The following CDH13 variants were observed in gnomAD, a reference collection of about 807,000 sequenced individuals.
CDH13 encodes cadherin 13, also known as cadherin-13.
Under a neutral mutation model 63.8 loss-of-function variants are expected in CDH13, and 24 were observed. The observed-to-expected ratio is 0.38, with a 90% confidence interval of 0.27 to 0.53. The LOEUF (loss-of-function observed/expected upper bound fraction) is 0.53, where lower values mean the gene tolerates loss of function less well. CDH13 is among the 20% of genes least tolerant of loss of function. CDH13 has a pLI of 0.85. For missense variants in CDH13, 1,049 were observed against 903.1 expected, an observed-to-expected ratio of 1.16 and a Z score of -2.07; for synonymous variants, 503 against 355.3, an observed-to-expected ratio of 1.42 and a Z score of -4.67.
intron 7 of CDH13, among the ~76,000 whole-genome samples, chr16:83,519,787 C>T (rs969070806): frequency 7.9e-5 from 12 of 152,228 alleles, no homozygotes; most frequent in African/African-American, 2.9e-4. Context: ...ACAATCCTCC[C>T]AGTGTGAATG....
At chr16:83,354,261 C>T (rs1435747051) in intron 6 of CDH13, among the ~76,000 whole-genome samples, 1 of 152,220 alleles carries the variant, frequency 6.6e-6, no homozygotes, top group Non-Finnish European at 1.5e-5. Flanking sequence ...AATAGCCCAG[C>T]AATTTTTAGC....
At chr16:82,628,313 G>T (rs1017742987) in intron 1 of CDH13, among the ~76,000 whole-genome samples, 1 of 152,154 alleles carries the variant, frequency 6.6e-6, no homozygotes, top group Non-Finnish European at 1.5e-5. Flanking sequence ...GTGCCTCAGG[G>T]TGCTAGGAAT....
chr16:83,146,001 C>T (rs950989058), intron 4 of CDH13, among the ~76,000 whole-genome samples: 2 of 152,026 alleles, frequency 1.3e-5, no homozygotes, highest in Non-Finnish European at 2.9e-5. Flanking sequence ...CGGGACCAAC[C>T]TGGCCAACTT....
chr16:83,159,739 A>T (rs2037365366), intron 4 of CDH13, among the ~76,000 whole-genome samples: 1 of 152,192 alleles, frequency 6.6e-6, no homozygotes, highest in African/African-American at 2.4e-5. Context: ...CCTGTCAAGC[A>T]TATAAAACTG....
intron 2 of CDH13, among the ~76,000 whole-genome samples, chr16:83,014,780 A>G (rs1207493683): frequency 4.2e-5 from 5 of 117,882 alleles, no homozygotes; most frequent in African/African-American, 1.6e-4. Context: ...ATATATGTAT[A>G]TATATATATT....
chr16:83,472,323 A>G (rs1199276150), intron 6 of CDH13, among the ~76,000 whole-genome samples: 3 of 152,182 alleles, frequency 2.0e-5, no homozygotes, highest in Non-Finnish European at 4.4e-5. Flanking sequence ...TTTATGTTAG[A>G]CGGTGCCCTG....
intron 1 of CDH13, among the ~76,000 whole-genome samples, chr16:82,755,709 A>C (rs1004581218): frequency 5.9e-5 from 9 of 152,354 alleles, no homozygotes; most frequent in Middle Eastern, 6.8e-3. Flanking sequence ...AAGGTCTATG[A>C]GCAAAACTGA....
intron 1 of CDH13, among the ~76,000 whole-genome samples, chr16:82,751,172 C>T (rs1298698514): frequency 6.6e-6 from 1 of 152,034 alleles, no homozygotes; most frequent in Non-Finnish European, 1.5e-5. Context: ...CCATGATGGA[C>T]AAGAAAAAGG....
intron 6 of CDH13, among the ~76,000 whole-genome samples, chr16:83,351,883 C>T (rs2090958409): frequency 6.6e-6 from 1 of 152,176 alleles, no homozygotes; most frequent in Non-Finnish European, 1.5e-5. Context: ...CACAAACATA[C>T]TGATGGATAT....
At chr16:83,174,004 C>A (rs149700341) in intron 4 of CDH13, among the ~76,000 whole-genome samples, 2 of 152,148 alleles carry the variant, frequency 1.3e-5, no homozygotes, top group East Asian at 3.9e-4. Flanking sequence ...CAATAACAAT[C>A]CTCCTCCAGT....
intron 7 of CDH13, among the ~76,000 whole-genome samples, chr16:83,540,877 G>A (rs1417906162): frequency 3.9e-5 from 6 of 152,264 alleles, no homozygotes; most frequent in East Asian, 1.9e-4. Context: ...TGATCCGCCC[G>A]CCTCAGCCTC....
chr16:82,800,535 C>T (rs527842538), intron 1 of CDH13, among the ~76,000 whole-genome samples: 35 of 152,288 alleles, frequency 2.3e-4, no homozygotes, highest in African/African-American at 8.4e-4. Context: ...TGACACATTT[C>T]ACAGAAGTGT....
chr16:83,421,997 G>T (rs780072415), intron 6 of CDH13, among the ~76,000 whole-genome samples: 1 of 152,152 alleles, frequency 6.6e-6, no homozygotes, highest in Non-Finnish European at 1.5e-5. Flanking sequence ...ATATGAACAA[G>T]TGTTTAGTTC....
At chr16:83,286,058 C>T (rs748496021) in intron 5 of CDH13, among the ~76,000 whole-genome samples, 30 of 152,146 alleles carry the variant, frequency 2.0e-4, no homozygotes, top group Non-Finnish European at 4.4e-4. Flanking sequence ...GTCTCAAATG[C>T]AAGTCTCTAA....
intron 4 of CDH13, among the ~76,000 whole-genome samples, chr16:83,171,837 A>T (rs1168238033): frequency 6.6e-6 from 1 of 152,134 alleles, no homozygotes; most frequent in Non-Finnish European, 1.5e-5. Context: ...GGTGCAGATC[A>T]ACATAAGAAA....
chr16:83,129,442 G>T (rs1319059928), intron 4 of CDH13, among the ~76,000 whole-genome samples: 1 of 152,156 alleles, frequency 6.6e-6, no homozygotes, highest in African/African-American at 2.4e-5. Context: ...AATAAAGTAA[G>T]GGAGAGACGT....
intron 4 of CDH13, among the ~76,000 whole-genome samples, chr16:83,198,218 C>G (rs2038929948): frequency 6.6e-6 from 1 of 151,884 alleles, no homozygotes; most frequent in African/African-American, 2.4e-5. Context: ...ATCCCATTGC[C>G]AAGTACAACA....
intron 1 of CDH13, chr16:82,688,859 T>C (rs1206699809): frequency 1.3e-5 from 2 of 152,222 alleles, no homozygotes; most frequent in African/African-American, 4.8e-5. Context: ...GGGAACAGGG[T>C]AACCATGTGA....
intron 7 of CDH13, among the ~76,000 whole-genome samples, chr16:83,500,337 TCC>T (rs2074248128): frequency 4.0e-4 from 1 of 2,490 alleles, no homozygotes; most frequent in Non-Finnish European, 0.017. Context: ...CTCCTCCTCC[TCC>T]TCCTCCTCCT....
Sources: allele counts gnomAD v4.1 joint callset (sites outside exome capture counted in the v4.1 genomes callset), GRCh38; gene constraint gnomAD v4.1.1; transcripts MANE v1.5; gene names NCBI Gene and HGNC (gene_info 2026-07-23, HGNC 2026-07-21).